CEP112: variants seen among roughly 807,000 people sequenced by gnomAD.
CEP112 encodes the protein centrosomal protein 112, also known as centrosomal protein of 112 kDa.
A neutral mutation model predicts 153.0 loss-of-function variants in CEP112; 127 were observed. The observed-to-expected ratio is 0.83, with a 90% CI of 0.72 to 0.96. The LOEUF (loss-of-function observed/expected upper bound fraction) is 0.96, where lower values mean the gene tolerates loss of function less well. Among genes scored for constraint, CEP112 ranks in the 40% least tolerant of loss-of-function variants. The probability of loss-of-function intolerance (pLI) is 0.00; values close to 1 mark genes in which losing one functional copy is unlikely to be tolerated. For synonymous variants in CEP112, 358 were observed against 374.4 expected (o/e 0.96, Z 0.51); for missense variants, 1,089 against 1,101.2 (o/e 0.99, Z 0.16).
intron 20 of CEP112, among the ~76,000 whole-genome samples, chr17:65,896,615 A>C (rs1031815460): frequency 5.3e-5 from 8 of 152,092 alleles, no homozygotes; most frequent in Non-Finnish European, 2.9e-5. Flanking sequence ...CATACTAATG[A>C]AACATGATTT....
chr17:65,741,581 C>T (rs939241095), intron 23 of CEP112, among the ~76,000 whole-genome samples: 9 of 151,186 alleles, frequency 6.0e-5, no homozygotes, highest in Non-Finnish European at 1.2e-4. Context: ...AAATGAGCAA[C>T]TGTACTAATT....
intron 20 of CEP112, among the ~76,000 whole-genome samples, chr17:65,879,117 G>T (rs2058959501): frequency 6.6e-6 from 1 of 152,208 alleles, no homozygotes; most frequent in Admixed American, 6.5e-5. Flanking sequence ...TATGTGAAAA[G>T]GGACTCAGCA....
chr17:65,740,511 G>A (rs1372857489), intron 23 of CEP112, among the ~76,000 whole-genome samples: 1 of 152,168 alleles, frequency 6.6e-6, no homozygotes. Flanking sequence ...GACCCTTTAA[G>A]TGGGTTTCAG....
chr17:66,111,300 A>G (rs946132732), intron 6 of CEP112, among the ~76,000 whole-genome samples: 1 of 152,234 alleles, frequency 6.6e-6, no homozygotes, highest in African/African-American at 2.4e-5. Flanking sequence ...CAGTATGGCC[A>G]TTGCTCAAAC....
intron 17 of CEP112, among the ~76,000 whole-genome samples, chr17:65,969,562 G>A (rs1482503144): frequency 4.0e-5 from 6 of 150,852 alleles, no homozygotes; most frequent in Admixed American, 3.3e-4. Context: ...TTGTGTGCAT[G>A]TATATTACAC....
intron 11 of CEP112, among the ~76,000 whole-genome samples, chr17:66,061,653 C>A (rs1344271897): frequency 6.6e-6 from 1 of 151,868 alleles, no homozygotes; most frequent in African/African-American, 2.4e-5. Context: ...ACAACATGGA[C>A]AAACTTAGAA....
chr17:65,931,734 C>T (rs929392946), intron 18 of CEP112, among the ~76,000 whole-genome samples: 4 of 152,226 alleles, frequency 2.6e-5, no homozygotes, highest in African/African-American at 7.2e-5. Flanking sequence ...GCTTGGCATA[C>T]TTCCCCAGGC....
At chr17:65,723,697 C>T (rs1427684319) in intron 23 of CEP112, among the ~76,000 whole-genome samples, 1 of 152,182 alleles carries the variant, frequency 6.6e-6, no homozygotes, top group East Asian at 1.9e-4. Flanking sequence ...GTTTTGGCTC[C>T]AACTAAACTC....
At chr17:65,839,937 AT>A (rs1168812178) in intron 21 of CEP112, among the ~76,000 whole-genome samples, 1 of 152,124 alleles carries the variant, frequency 6.6e-6, no homozygotes, top group African/African-American at 2.4e-5. Context: ...GATAAAAAAA[AT>A]CTAGGAATAA....
chr17:65,968,202 G>A (rs1568307329), intron 17 of CEP112, among the ~76,000 whole-genome samples: 1 of 152,058 alleles, frequency 6.6e-6, no homozygotes, highest in Non-Finnish European at 1.5e-5. Flanking sequence ...AAGACAGTAT[G>A]AAGTCACTCA....
intron 21 of CEP112, among the ~76,000 whole-genome samples, chr17:65,815,768 A>T (rs2056232319): frequency 2.0e-5 from 3 of 152,216 alleles, no homozygotes; most frequent in South Asian, 2.1e-4. Flanking sequence ...GGCTGATTTT[A>T]AAAAATTCAA....
At chr17:66,177,043 A>C in intron 2 of CEP112, 23 bp from the exon 3 acceptor site, 2 of 1,559,848 alleles carry the variant, frequency 1.3e-6, no homozygotes, top group Non-Finnish European at 1.7e-6. Flanking sequence ...AAGAACTATT[A>C]GAAATTTTAT....
rs750841727 is a variant in CEP112, at chr17:66,066,799, T to C, written c.934A>G (p.Ile312Val). 31 of 1,544,682 alleles carry C rather than the reference T, an allele frequency of 2.0e-5. No individual in the cohort carries two copies. In the South Asian group the frequency reaches 3.6e-4, roughly 18 times the overall value. The change falls in exon 10 of 27, where the codon ATT becomes GTT. Residue 312 changes from isoleucine to valine, a missense_variant. Transcript: ENST00000535342. ...RSKQHETEET[I>V]RKLEKKVQTL... is the part of the protein sequence containing the mutation. Reference sequence around the variant, plus strand: ...TCACCTTTCTTTTCAAGCTTTCTAATAGTCTCTTCAGTTTCATGTTGTTTA... The same window carrying C: ...TCACCTTTCTTTTCAAGCTTTCTAACAGTCTCTTCAGTTTCATGTTGTTTA...
At chr17:65,862,555 C>A (rs2058344838) in intron 20 of CEP112, among the ~76,000 whole-genome samples, 1 of 152,088 alleles carries the variant, frequency 6.6e-6, no homozygotes, top group Non-Finnish European at 1.5e-5. Context: ...GCCACTGACT[C>A]CAGCCTGGGT....
intron 25 of CEP112, among the ~76,000 whole-genome samples, chr17:65,640,154 A>ATATTTTTT (rs1300751452): frequency 2.0e-4 from 16 of 78,334 alleles, no homozygotes; most frequent in East Asian, 1.1e-3. Context: ...ATATATATAT[A>ATATTTTTT]TTTTTTTTTT....
At chr17:66,055,251 G>C (rs1031187398) in intron 11 of CEP112, among the ~76,000 whole-genome samples, 2 of 152,192 alleles carry the variant, frequency 1.3e-5, no homozygotes, top group African/African-American at 4.8e-5. Context: ...GCTTCTTCTA[G>C]TTTCTAGCTG....
chr17:65,729,502 C>T (rs2050375601), intron 23 of CEP112, among the ~76,000 whole-genome samples: 1 of 152,106 alleles, frequency 6.6e-6, no homozygotes, highest in Non-Finnish European at 1.5e-5. Context: ...GTTGCTAAGG[C>T]TTACATTTAT....
chr17:66,120,426 C>T (rs941665631), intron 6 of CEP112, among the ~76,000 whole-genome samples: 3 of 152,134 alleles, frequency 2.0e-5, no homozygotes, highest in Admixed American at 2.0e-4. Flanking sequence ...GTCTCGAACT[C>T]CTGGCCTCAG....
At chr17:65,954,914 A>G (rs1223578665) in intron 18 of CEP112, among the ~76,000 whole-genome samples, 1 of 152,242 alleles carries the variant, frequency 6.6e-6, no homozygotes, top group Non-Finnish European at 1.5e-5. Flanking sequence ...GGAAGATGAG[A>G]AAGCTAAAAG....
Sources: allele counts gnomAD v4.1 joint callset (sites outside exome capture counted in the v4.1 genomes callset), GRCh38; gene constraint gnomAD v4.1.1; transcripts MANE v1.5; gene names NCBI Gene and HGNC (gene_info 2026-07-23, HGNC 2026-07-21).